RBMX: variants seen among roughly 807,000 people sequenced by gnomAD.
The protein encoded by RBMX is RNA binding motif protein X-linked, also known as RNA-binding motif protein, X chromosome.
Under a neutral mutation model 29.3 loss-of-function variants are expected in RBMX, and 1 was observed. The ratio of observed to expected loss-of-function variants is 0.03; its 90% CI spans 0.01 to 0.16. The LOEUF is 0.16. Ranked by LOEUF, RBMX falls within the 10% of genes least tolerant of loss-of-function variation. RBMX has a pLI of 1.00. For missense variants in RBMX, 121 were observed against 333.2 expected (o/e 0.36, Z 4.96); for synonymous variants, 102 against 102.3 (o/e 1.00, Z 0.02).
chrX:136,878,807 C>T (rs757053893), intron 3 of RBMX, among the ~76,000 whole-genome samples: 21 of 107,661 alleles, frequency 2.0e-4, no homozygotes, highest in Admixed American at 8.0e-4. Context: ...GAGAATGTTA[C>T]GAGCATAAGA....
chrX:136,878,362 G>A (rs1399142006), intron 3 of RBMX, among the ~76,000 whole-genome samples: 1 of 111,204 alleles, frequency 9.0e-6, no homozygotes, highest in African/African-American at 3.3e-5. Context: ...AGGCCAAGTA[G>A]GTATCAGCTT....
At chrX:136,876,259 G>T (rs1226394806) in intron 5 of RBMX, among the ~76,000 whole-genome samples, 1 of 107,438 alleles carries the variant, frequency 9.3e-6, no homozygotes, top group Middle Eastern at 4.2e-3. Context: ...AAGTAGCGGG[G>T]ATTACAGGAA....
downstream of RBMX, chrX:136,872,246 G>A (rs780404275): frequency 1.8e-5 from 20 of 1,089,996 alleles, no homozygotes; most frequent in African/African-American, 1.3e-4. Context: ...AACCTTCAAA[G>A]GCCATTGCTT....
chrX:136,875,862 C>T (rs1421898318), intron 5 of RBMX, among the ~76,000 whole-genome samples: 4 of 108,754 alleles, frequency 3.7e-5, no homozygotes, highest in Admixed American at 9.9e-5. Flanking sequence ...AGTGCAGTCG[C>T]GCAATCTTGG....
intron 1 of RBMX, 70 bp from the exon 2 acceptor site, chrX:136,879,523 C>T (rs2077775557): frequency 1.2e-6 from 1 of 864,034 alleles, no homozygotes; most frequent in Non-Finnish European, 1.6e-6. Flanking sequence ...TTTACTTTCG[C>T]ACATTTCTCA....
At chrX:136,874,935 A>G (rs1165023929) in intron 8 of RBMX, 151 bp downstream of exon 8, 2 of 1,032,653 alleles carry the variant, frequency 1.9e-6, no homozygotes, top group South Asian at 3.4e-5. Context: ...AAAGCCCCTC[A>G]CAAAACTAGG....
At position 136,873,649 on chromosome X, in the gene RBMX, C is replaced by G. The variant is rs1603366002; in HGVS notation, c.*493G>C. The G allele has an allele frequency of 2.7e-6, 2 of 754,579 alleles. No homozygotes were observed. Among genetic ancestry groups the G allele is most frequent in the South Asian group, 6.7e-5 (1 of 14,899 alleles). 62.2% of individuals were successfully genotyped at this position (754,579 alleles called of 1,213,427 possible). On this transcript the variant is annotated 3_prime_UTR_variant, in exon 9 of 9. Transcript: ENST00000320676. ...GTGAATAGCACTTTCCTTACATAGGCATGTGATTTCAGGTTTTTCGTACTG... is the reference window on the plus strand; with the variant it reads ...GTGAATAGCACTTTCCTTACATAGGGATGTGATTTCAGGTTTTTCGTACTG...
intron 1 of RBMX, among the ~76,000 whole-genome samples, chrX:136,880,088 G>C (rs2077782720): frequency 8.9e-6 from 1 of 112,180 alleles, no homozygotes; most frequent in Non-Finnish European, 1.9e-5. Context: ...GACTGCAGCG[G>C]AACCTAATTA....
At chrX:136,879,578 A>T in intron 1 of RBMX, 125 bp from the exon 2 acceptor site, 3 of 594,328 alleles carry the variant, frequency 5.0e-6, no homozygotes, top group Non-Finnish European at 7.8e-6. Flanking sequence ...AAAGAAAACG[A>T]TAACGAGCTA....
chrX:136,878,336 G>A (rs1454187653), intron 3 of RBMX, among the ~76,000 whole-genome samples: 1 of 111,058 alleles, frequency 9.0e-6, no homozygotes, highest in African/African-American at 3.3e-5. Context: ...ATTATTGTAT[G>A]GTAAAATTTA....
At chrX:136,877,336 C>CCA (rs1556344028) in intron 4 of RBMX, among the ~76,000 whole-genome samples, 1 of 84,348 alleles carries the variant, frequency 1.2e-5, no homozygotes, top group South Asian at 8.6e-4. Flanking sequence ...CTACCCCCCC[C>CCA]CCCCCAAAAA....
chrX:136,873,100 G>A (rs961194300), downstream of RBMX: 4 of 107,957 alleles, frequency 3.7e-5, no homozygotes, highest in African/African-American at 1.3e-4. Flanking sequence ...CTTCTAATAC[G>A]CTATTGAATA....
chrX:136,873,765 T>C lies in RBMX; in HGVS notation c.*377A>G, dbSNP rs1473151934. On this transcript the variant is annotated 3_prime_UTR_variant, in exon 9 of 9. Transcript: ENST00000320676. ...CTAATAGCTAGCTTGTTTGTATAGG[T>C]AGAATGATTCATCTCTCCATTTTAG... is the stretch of plus-strand genomic sequence containing the variant. 17 of 800,244 alleles carry C rather than the reference T, an allele frequency of 2.1e-5. No individual in the cohort carries two copies. The highest frequency in any genetic ancestry group is 2.5e-5 in the Non-Finnish European group (17 of 668,677). The allele number at this position is 800,244 out of a possible 1,213,427, so 65.9% of individuals were successfully genotyped here.
At chrX:136,877,338 C>A (rs1177584948) in intron 4 of RBMX, among the ~76,000 whole-genome samples, 3 of 86,425 alleles carry the variant, frequency 3.5e-5, no homozygotes, top group Non-Finnish European at 7.2e-5. Context: ...ACCCCCCCCC[C>A]CCCAAAAAAA....
In RBMX at chrX:136,880,684, G is replaced by C. The variant is rs1242011830; in HGVS notation, c.-114C>G. 1 of 123,811 alleles carries C rather than the reference G, an allele frequency of 8.1e-6. No homozygotes were observed. The highest frequency in any genetic ancestry group is 1.8e-5 in the Non-Finnish European group (1 of 55,226). The allele number at this position is 123,811 out of a possible 1,213,427, so 10.2% of individuals were successfully genotyped here. On this transcript the variant is annotated 5_prime_UTR_variant, in exon 1 of 9. Coordinates refer to ENST00000320676, the MANE Select transcript of RBMX (RefSeq NM_002139.4). ...AGCACCAGTGGCGGCTGCCGGGTGC[G>C]AGGACCGAACCGCGAAGCCGCTAGC...
At chrX:136,871,132 A>C (rs1272418812), downstream of RBMX, among the ~76,000 whole-genome samples, 2 of 106,444 alleles carry the variant, frequency 1.9e-5, no homozygotes, top group African/African-American at 6.9e-5. Flanking sequence ...GAAAAAAAAA[A>C]AACCACGCAA....
chrX:136,879,661 A>G (rs2077777644), intron 1 of RBMX, among the ~76,000 whole-genome samples: 1 of 112,151 alleles, frequency 8.9e-6, no homozygotes, highest in Non-Finnish European at 1.9e-5. Flanking sequence ...AAACTGGTTA[A>G]AAGGGCCAAC....
chrX:136,877,247 G>C lies in RBMX; in HGVS notation c.389-592C>G, dbSNP rs768162658. Among the ~76,000 whole-genome samples the C allele has an allele frequency of 4.9e-5, 5 of 101,974 alleles. No individual in the cohort carries two copies. The East Asian group carries it at 1.0e-3, about 21-fold the overall frequency. The allele number at this position is 101,974 out of a possible 115,157, so 88.6% of individuals were successfully genotyped here. Reference sequence around the variant, plus strand: ...CTTGGGAGGCTGAGGCAGGACAATCGCCTGAACCTGGAAGGCAGAGGTTGT... The same window carrying C: ...CTTGGGAGGCTGAGGCAGGACAATCCCCTGAACCTGGAAGGCAGAGGTTGT... On this transcript the variant is annotated intron_variant, in intron 4 of 8. Transcript: ENST00000320676.
At chrX:136,872,943 T>C (rs2077693542), downstream of RBMX, 1 of 109,600 alleles carries the variant, frequency 9.1e-6, no homozygotes. Flanking sequence ...TGTTTAAAGG[T>C]CTTCATCAAA....
Sources: gnomAD v4.1 joint callset for allele counts (sites outside exome capture counted in the v4.1 genomes callset) on GRCh38, gnomAD v4.1.1 for gene constraint, MANE v1.5 for transcripts, NCBI Gene and HGNC (gene_info 2026-07-23, HGNC 2026-07-21) for gene names.